Variants in SLC16A6 observed in about 807,000 individuals in gnomAD.
The protein encoded by SLC16A6 is solute carrier family 16 member 6, also known as monocarboxylate transporter 7.
SLC16A6 carries 15 observed loss-of-function variants against 33.8 expected under a neutral mutation model. The ratio of observed to expected loss-of-function variants is 0.44; its 90% CI spans 0.30 to 0.68. The LOEUF is 0.68. Ranked by LOEUF, SLC16A6 falls within the 30% of genes least tolerant of loss-of-function variation. SLC16A6 has a pLI of 0.10. For synonymous variants in SLC16A6, 219 were observed against 248.4 expected (o/e 0.88, Z 1.11); for missense variants, 451 against 661.5 (o/e 0.68, Z 3.49).
At position 68,278,031 on chromosome 17, in the gene SLC16A6, T is replaced by C. The variant is rs570078233; in HGVS notation, c.232+58A>G. 41 of 1,168,810 alleles carry C rather than the reference T, an allele frequency of 3.5e-5. No homozygotes were observed. In the Admixed American group the frequency reaches 7.4e-4, roughly 21 times the overall value. The allele number at this position is 1,168,810 out of a possible 1,614,324, so 72.4% of individuals were successfully genotyped here. On this transcript the variant is annotated intron_variant, in intron 2 of 5. Coordinates refer to ENST00000580666, the MANE Select transcript of SLC16A6 (RefSeq NM_004694.5). ...AACACATCGACTACCATTACCAAGG[T>C]AGCCAAATTAAAAGGGCCCTATACT...
Position 68,272,661 on chromosome 17 carries a change from G to A in SLC16A6, c.483C>T (p.Phe161=), listed in dbSNP as rs146275184. 1.5e-5 allele frequency: 25 copies of A among 1,613,994 alleles called. No homozygotes were observed. The highest frequency in any genetic ancestry group is 1.5e-4 in the African/African-American group (11 of 74,914). ...VTAVASTGEC[F]AVFAFAPAIM... ...TACCTGGTGCGAAAGCAAACACAGC[G>A]AAACATTCTCCTGTGGAAGCAACTG... The change falls in exon 4 of 6, where the codon TTC becomes TTT. Residue 161 remains phenylalanine, a synonymous_variant. Transcript: ENST00000580666.
rs868979867 is a variant in SLC16A6, at chr17:68,269,084, T to C, written c.*12A>G. Reference sequence around the variant, plus strand: ...CCAGCCAACACAGTGGCTGTTGTTGTAAGAAAGTGTGTCATACCGGCTCCA... The same window carrying C: ...CCAGCCAACACAGTGGCTGTTGTTGCAAGAAAGTGTGTCATACCGGCTCCA... On this transcript the variant is annotated 3_prime_UTR_variant, in exon 6 of 6. Coordinates refer to ENST00000580666, the MANE Select transcript of SLC16A6 (RefSeq NM_004694.5). 1.3e-6 allele frequency: 2 copies of C among 1,553,698 alleles called. No individual in the cohort carries two copies. The highest frequency in any genetic ancestry group is 1.7e-4 in the Middle Eastern group (1 of 5,744).
At position 68,270,966 on chromosome 17, in the gene SLC16A6, T is replaced by G. The variant is rs1555748305; in HGVS notation, c.1194A>C (p.Thr398=). Reference sequence around the variant, plus strand: ...GCAGTGGAATGTGAGTCCCTCCTATTGTTCCAACCATAAACCCAAAAAATA... The same window carrying G: ...GCAGTGGAATGTGAGTCCCTCCTATGGTTCCAACCATAAACCCAAAAAATA... The part of the protein sequence containing the change: ...CSIFFGFMVG[T]IGGTHIPLLA... The change falls in exon 5 of 6, where the codon ACA becomes ACC. Residue 398 remains threonine (T), a synonymous_variant. Transcript: ENST00000580666. 2 of 1,614,152 alleles carry G rather than the reference T, an allele frequency of 1.2e-6. No homozygotes were observed. Among genetic ancestry groups the G allele is most frequent in the Non-Finnish European group, 1.7e-6 (2 of 1,180,022 alleles).
Position 68,270,936 on chromosome 17 carries a change from A to T in SLC16A6, c.1224T>A (p.Ala408=). 1 of 1,614,246 alleles carries T rather than the reference A, an allele frequency of 6.2e-7. No individual in the cohort carries two copies. The highest frequency in any genetic ancestry group is 8.5e-7 in the Non-Finnish European group (1 of 1,180,042). Reference sequence around the variant, plus strand: ...TCTCAATGCCCACGACATCATCCTCAGCAAGCAGTGGAATGTGAGTCCCTC... The same window carrying T: ...TCTCAATGCCCACGACATCATCCTCTGCAAGCAGTGGAATGTGAGTCCCTC... ...TIGGTHIPLL[A]EDDVVGIEKM... is the part of the protein sequence containing the mutation. Residue 408 remains alanine, a synonymous_variant, in exon 5 of 6, where the codon GCT becomes GCA. Coordinates refer to ENST00000580666, the MANE Select transcript of SLC16A6 (RefSeq NM_004694.5).
chr17:68,286,522 T>A (rs2075845686), intron 1 of SLC16A6, among the ~76,000 whole-genome samples: 1 of 152,194 alleles, frequency 6.6e-6, no homozygotes, highest in Admixed American at 6.5e-5. Flanking sequence ...TTAATTTTTT[T>A]GAGATGGAGT....
At chr17:68,273,783 A>G in intron 3 of SLC16A6, 144 bp downstream of exon 3, 1 of 1,024,936 alleles carries the variant, frequency 9.8e-7, no homozygotes, top group East Asian at 2.5e-5. Flanking sequence ...AGCTCAGTTC[A>G]AAACTACTGA....
rs1366872034 is a variant in SLC16A6 at position 68,268,270 on chromosome 17, TTTAAA to T, written c.*821_*825del. 2 of 152,564 alleles carry T rather than the reference TTTAAA, an allele frequency of 1.3e-5. No individual in the cohort carries two copies. Among genetic ancestry groups the T allele is most frequent in the African/African-American group, 4.8e-5 (2 of 41,428 alleles). 9.5% of individuals were successfully genotyped at this position (152,564 alleles called of 1,614,324 possible). A position where few individuals can be genotyped will look rare whatever the true frequency, so the allele number is the denominator to read the frequency against. On this transcript the variant is annotated 3_prime_UTR_variant, in exon 6 of 6. Transcript: ENST00000580666. ...AGAATAACTTAATAATAAATAGCGGTTTAAATTAAAGACACTACAGTCACATATTT... is the reference window on the plus strand; with the variant it reads ...AGAATAACTTAATAATAAATAGCGGTTTAAAGACACTACAGTCACATATTT...
rs74924933 is a variant in SLC16A6 at position 68,289,838 on chromosome 17, T to A, written c.-8+1248A>T. On this transcript the variant is annotated intron_variant, in intron 1 of 5. Coordinates refer to ENST00000580666, the MANE Select transcript of SLC16A6 (RefSeq NM_004694.5). The stretch of plus-strand genomic sequence containing the variant: ...GAAAACTCAGGGTTAGTGGTACTCA[T>A]TACACTGGAAGGAGCTTTTCCACTT... 7.2e-5 allele frequency among the ~76,000 whole-genome samples: 11 copies of A among 152,298 alleles called. No homozygotes were observed. The East Asian group carries it at 2.1e-3, about 29-fold the overall frequency.
intron 1 of SLC16A6, among the ~76,000 whole-genome samples, chr17:68,288,864 G>A (rs1446812732): frequency 6.6e-6 from 1 of 152,196 alleles, no homozygotes; most frequent in Non-Finnish European, 1.5e-5. Context: ...TCTATCATCT[G>A]TAAAGCATGG....
intron 5 of SLC16A6, 91 bp downstream of exon 5, chr17:68,270,748 G>A: frequency 2.7e-6 from 3 of 1,106,514 alleles, no homozygotes; most frequent in Non-Finnish European, 1.3e-6. Context: ...ATATAAAACG[G>A]CAGTAAGTTT....
At chr17:68,276,461 T>A (rs1432363710) in intron 2 of SLC16A6, among the ~76,000 whole-genome samples, 2 of 152,132 alleles carry the variant, frequency 1.3e-5, no homozygotes, top group Non-Finnish European at 2.9e-5. Context: ...ATTTTTTTTA[T>A]TTTTTGAGAT....
chr17:68,268,905 A>G lies in SLC16A6; in HGVS notation c.*191T>C. 1.5e-6 allele frequency: 2 copies of G among 1,365,114 alleles called. No individual in the cohort carries two copies. Among genetic ancestry groups the G allele is most frequent in the South Asian group, 1.5e-5 (1 of 66,720 alleles). 84.6% of individuals were successfully genotyped at this position (1,365,114 alleles called of 1,614,324 possible). On this transcript the variant is annotated 3_prime_UTR_variant, in exon 6 of 6. Transcript: ENST00000580666. ...TGTTTTGGCTTTAAAAACAAGCAAA[A>G]AAAAAAAGCTTAAAACAAAACAAAA...
At chr17:68,284,157 T>C (rs2075789497) in intron 1 of SLC16A6, among the ~76,000 whole-genome samples, 2 of 150,542 alleles carry the variant, frequency 1.3e-5, no homozygotes. Context: ...CTGTAATCCT[T>C]TGGGAGGCCA....
intron 2 of SLC16A6, among the ~76,000 whole-genome samples, chr17:68,275,221 T>C (rs2145012823): frequency 6.6e-6 from 1 of 152,352 alleles, no homozygotes; most frequent in African/African-American, 2.4e-5. Context: ...CATTTAAATC[T>C]GGCAAATTAG....
In SLC16A6 at chr17:68,272,638, C is replaced by A. The variant is rs2075378763; in HGVS notation, c.505+1G>T. ...TACTTAGGCTGTTGTAGTCCACCTA[C>A]CTGGTGCGAAAGCAAACACAGCGAA... On this transcript the variant is annotated splice_donor_variant, in intron 4 of 5. Transcript: ENST00000580666. LOFTEE classifies it high-confidence loss of function. 6.2e-7 allele frequency: 1 copy of A among 1,613,768 alleles called. No homozygotes were observed. The highest frequency in any genetic ancestry group is 8.5e-7 in the Non-Finnish European group (1 of 1,179,794).
intron 1 of SLC16A6, among the ~76,000 whole-genome samples, chr17:68,280,282 G>GA (rs1288592697): frequency 2.7e-5 from 4 of 148,046 alleles, no homozygotes; most frequent in South Asian, 4.3e-4. Context: ...AGAAATAGAA[G>GA]AAAAAAATCC....
At chr17:68,274,637 C>T (rs1194197470) in intron 2 of SLC16A6, 4 of 152,136 alleles carry the variant, frequency 2.6e-5, no homozygotes, top group African/African-American at 9.7e-5. Flanking sequence ...CCATGAGCAC[C>T]TATAAAATTA....
chr17:68,277,977 C>T, intron 2 of SLC16A6, 112 bp downstream of exon 2: 2 of 690,472 alleles, frequency 2.9e-6, no homozygotes, highest in Admixed American at 2.7e-5. Flanking sequence ...GAAGGACCAA[C>T]AGGCGTATAA....
intron 1 of SLC16A6, among the ~76,000 whole-genome samples, chr17:68,289,552 C>CGTA (rs2075920289): frequency 6.6e-6 from 1 of 152,186 alleles, no homozygotes; most frequent in South Asian, 2.1e-4. Flanking sequence ...TTCTTAAAGG[C>CGTA]GTAGCCCGGA....
Sources: allele counts gnomAD v4.1 joint callset (sites outside exome capture counted in the v4.1 genomes callset), GRCh38; gene constraint gnomAD v4.1.1; transcripts MANE v1.5; gene names NCBI Gene and HGNC (gene_info 2026-07-23, HGNC 2026-07-21).